The following RHOB variants were observed in gnomAD, a reference collection of about 807,000 sequenced individuals.
RHOB encodes rho-related GTP-binding protein RhoB.
Under a neutral mutation model 12.9 loss-of-function variants are expected in RHOB, and 6 were observed. That is an observed-to-expected ratio of 0.47 (90% CI 0.25 to 0.92). RHOB has a LOEUF of 0.92. Among genes scored for constraint, RHOB ranks in the 40% least tolerant of loss-of-function variants. The pLI is 0.16. For synonymous variants in RHOB, 168 were observed against 122.1 expected, an observed-to-expected ratio of 1.38 and a Z score of -2.48; for missense variants, 142 against 277.9, an observed-to-expected ratio of 0.51 and a Z score of 3.48.
rs557972851 is a variant in RHOB at position 20,447,372 on chromosome 2, A to C, written c.-94A>C. The C allele has an allele frequency of 2.8e-5, 28 of 985,832 alleles. No individual in the cohort carries two copies. The South Asian group carries it at 5.2e-4, about 18-fold the overall frequency. 61.1% of individuals were successfully genotyped at this position (985,832 alleles called of 1,614,324 possible). A position where few individuals can be genotyped will look rare whatever the true frequency, so the allele number is the denominator to read the frequency against. ...GGGTGCAGCTAGCGACCCTCTCGCC[A>C]CCTGCGCGCAGCCCGAGGTGAGCAG... On this transcript the variant is annotated 5_prime_UTR_variant, in exon 1 of 1. Transcript: ENST00000272233.
rs1691015992 is a variant in RHOB at position 20,447,294 on chromosome 2, G to GC, written c.-167dup. ...CGCCCTATGCCCCCGCGCCCCCACC[G>GC]CCCCCGCCGCGGCAGCCGAAGCGCA... On this transcript the variant is annotated 5_prime_UTR_variant, in exon 1 of 1. An upstream open reading frame in the 5' UTR loses its in-frame stop. Transcript: ENST00000272233. 2 of 462,666 alleles carry GC rather than the reference G, an allele frequency of 4.3e-6. No homozygotes were observed. Among genetic ancestry groups the GC allele is most frequent in the South Asian group, 5.1e-5 (1 of 19,504 alleles). The allele number at this position is 462,666 out of a possible 1,614,324, so 28.7% of individuals were successfully genotyped here.
chr2:20,448,158 CA>C lies in RHOB; in HGVS notation c.*103del. 1 of 1,049,204 alleles carries C rather than the reference CA, an allele frequency of 9.5e-7. No individual in the cohort carries two copies. The highest frequency in any genetic ancestry group is 1.4e-6 in the Non-Finnish European group (1 of 730,148). 65.0% of individuals were successfully genotyped at this position (1,049,204 alleles called of 1,614,324 possible). ...GGAGACCCGTGTCCCACAAGGACCC[CA>C]CCGGCCTGCCTGGCATCTGTCTGCT... On this transcript the variant is annotated 3_prime_UTR_variant, in exon 1 of 1. Coordinates refer to ENST00000272233, the MANE Select transcript of RHOB (RefSeq NM_004040.4).
In RHOB at chr2:20,448,131, G is replaced by C. The variant is rs987899252; in HGVS notation, c.*75G>C. 3.8e-6 allele frequency: 5 copies of C among 1,300,374 alleles called. No homozygotes were observed. The highest frequency in any genetic ancestry group is 3.2e-6 in the Non-Finnish European group (3 of 942,068). The allele number at this position is 1,300,374 out of a possible 1,614,324, so 80.6% of individuals were successfully genotyped here. On this transcript the variant is annotated 3_prime_UTR_variant, in exon 1 of 1. Transcript: ENST00000272233. ...ACCAGTCCCCCGCGAGCCCGGAGAAGGGGAGACCCGTGTCCCACAAGGACC... is the reference window on the plus strand; with the variant it reads ...ACCAGTCCCCCGCGAGCCCGGAGAACGGGAGACCCGTGTCCCACAAGGACC...
chr2:20,449,424 T>G lies in RHOB; in HGVS notation c.*1368T>G. ...TTTTTTATGTAAAATATTAAAAGAC[T>G]ATGATGATGACATTTATAAAATGGC... On this transcript the variant is annotated 3_prime_UTR_variant, in exon 1 of 1. Coordinates refer to ENST00000272233, the MANE Select transcript of RHOB (RefSeq NM_004040.4). 1.8e-5 allele frequency: 3 copies of G among 167,186 alleles called. No homozygotes were observed. The allele number at this position is 167,186 out of a possible 1,614,324, so 10.4% of individuals were successfully genotyped here. A position where few individuals can be genotyped will look rare whatever the true frequency, so the allele number is the denominator to read the frequency against.
Position 20,447,522 on chromosome 2 carries a change from G to A in RHOB, c.57G>A (p.Thr19=). 1.2e-6 allele frequency: 2 copies of A among 1,614,062 alleles called. No homozygotes were observed. Among genetic ancestry groups the A allele is most frequent in the South Asian group, 1.1e-5 (1 of 91,082 alleles). The change falls in exon 1 of 1, where the codon ACG becomes ACA. Residue 19 remains threonine, a synonymous_variant. Transcript: ENST00000272233. ...VVVGDGACGK[T]CLLIVFSKDE... The stretch of plus-strand genomic sequence containing the variant: ...TGGGCGACGGCGCGTGTGGCAAGAC[G>A]TGCCTGCTGATCGTGTTCAGTAAGG...
In RHOB at chr2:20,447,411, G is replaced by C; in HGVS notation, c.-55G>C. The C allele has an allele frequency of 7.1e-7, 1 of 1,417,568 alleles. No individual in the cohort carries two copies. Among genetic ancestry groups the C allele is most frequent in the Non-Finnish European group, 9.6e-7 (1 of 1,041,874 alleles). 87.8% of individuals were successfully genotyped at this position (1,417,568 alleles called of 1,614,324 possible). On this transcript the variant is annotated 5_prime_UTR_variant, in exon 1 of 1. Coordinates refer to ENST00000272233, the MANE Select transcript of RHOB (RefSeq NM_004040.4). The stretch of plus-strand genomic sequence containing the variant: ...CGAGGTGAGCAGTGAGCGGCGAGCG[G>C]GAGGGCAGCGAGGCGTTCGCGGGCC...
In RHOB at chr2:20,447,413, A is replaced by C; in HGVS notation, c.-53A>C. 1 of 1,418,262 alleles carries C rather than the reference A, an allele frequency of 7.1e-7. No individual in the cohort carries two copies. The allele number at this position is 1,418,262 out of a possible 1,614,324, so 87.9% of individuals were successfully genotyped here. A position where few individuals can be genotyped will look rare whatever the true frequency, so the allele number is the denominator to read the frequency against. On this transcript the variant is annotated 5_prime_UTR_variant, in exon 1 of 1. Coordinates refer to ENST00000272233, the MANE Select transcript of RHOB (RefSeq NM_004040.4). The stretch of plus-strand genomic sequence containing the variant: ...AGGTGAGCAGTGAGCGGCGAGCGGG[A>C]GGGCAGCGAGGCGTTCGCGGGCCCC...
In RHOB at chr2:20,448,141, G is replaced by T. The variant is rs964798914; in HGVS notation, c.*85G>T. The stretch of plus-strand genomic sequence containing the variant: ...CGCGAGCCCGGAGAAGGGGAGACCC[G>T]TGTCCCACAAGGACCCCACCGGCCT... On this transcript the variant is annotated 3_prime_UTR_variant, in exon 1 of 1. Transcript: ENST00000272233. 1 of 1,224,784 alleles carries T rather than the reference G, an allele frequency of 8.2e-7. No individual in the cohort carries two copies. Among genetic ancestry groups the T allele is most frequent in the Admixed American group, 2.4e-5 (1 of 40,852 alleles). 75.9% of individuals were successfully genotyped at this position (1,224,784 alleles called of 1,614,324 possible).
At position 20,449,198 on chromosome 2, in the gene RHOB, TCTAAAG is replaced by T; in HGVS notation, c.*1146_*1151del. On this transcript the variant is annotated 3_prime_UTR_variant, in exon 1 of 1. Transcript: ENST00000272233. Reference sequence around the variant, plus strand: ...TTTTTTTTTTTTCCACAAGGCATTCTCTAAAGCTATGTGAAATTTTCTCTGCACCTC... The same window carrying T: ...TTTTTTTTTTTTCCACAAGGCATTCTCTATGTGAAATTTTCTCTGCACCTC... 1 of 166,872 alleles carries T rather than the reference TCTAAAG, an allele frequency of 6.0e-6. No homozygotes were observed. Among genetic ancestry groups the T allele is most frequent in the East Asian group, 1.9e-4 (1 of 5,174 alleles). 10.3% of individuals were successfully genotyped at this position (166,872 alleles called of 1,614,324 possible). A position where few individuals can be genotyped will look rare whatever the true frequency, so the allele number is the denominator to read the frequency against.
chr2:20,447,419 G>C lies in RHOB; in HGVS notation c.-47G>C. On this transcript the variant is annotated 5_prime_UTR_variant, in exon 1 of 1. Transcript: ENST00000272233. ...GCAGTGAGCGGCGAGCGGGAGGGCA[G>C]CGAGGCGTTCGCGGGCCCCCTCCTG... 1 of 1,476,834 alleles carries C rather than the reference G, an allele frequency of 6.8e-7. No individual in the cohort carries two copies. The highest frequency in any genetic ancestry group is 9.2e-7 in the Non-Finnish European group (1 of 1,086,824). 91.5% of individuals were successfully genotyped at this position (1,476,834 alleles called of 1,614,324 possible).
Position 20,448,311 on chromosome 2 carries a change from C to G in RHOB, c.*255C>G. ...GAGTGCCAAGGGTCCCCTGAGCATG[C>G]TTTTCTGAAGAGCCGGGCCTCAGAG... On this transcript the variant is annotated 3_prime_UTR_variant, in exon 1 of 1. Coordinates refer to ENST00000272233, the MANE Select transcript of RHOB (RefSeq NM_004040.4). The G allele has an allele frequency of 1.9e-6, 1 of 537,718 alleles. No individual in the cohort carries two copies. Among genetic ancestry groups the G allele is most frequent in the Non-Finnish European group, 3.4e-6 (1 of 294,756 alleles). 33.3% of individuals were successfully genotyped at this position (537,718 alleles called of 1,614,324 possible).
chr2:20,447,969 C>A lies in RHOB; in HGVS notation c.504C>A (p.Arg168=). ...CTGCCAAGACCAAGGAAGGCGTGCG[C>A]GAGGTCTTCGAGACGGCCACGCGCG... ...ECSAKTKEGV[R]EVFETATRAA... The change falls in exon 1 of 1, where the codon CGC becomes CGA. Residue 168 remains arginine (R), a synonymous_variant. Coordinates refer to ENST00000272233, the MANE Select transcript of RHOB (RefSeq NM_004040.4). 2 of 1,612,998 alleles carry A rather than the reference C, an allele frequency of 1.2e-6. No homozygotes were observed. Among genetic ancestry groups the A allele is most frequent in the Non-Finnish European group, 1.7e-6 (2 of 1,179,974 alleles).
Position 20,448,064 on chromosome 2 carries a change from G to C in RHOB, c.*8G>C. On this transcript the variant is annotated 3_prime_UTR_variant, in exon 1 of 1. Coordinates refer to ENST00000272233, the MANE Select transcript of RHOB (RefSeq NM_004040.4). The stretch of plus-strand genomic sequence containing the variant: ...TGCTGCAAGGTGCTATGAGGGCCGC[G>C]CCCGTCGCGCCTGCCCCTGCCGGCA... The C allele has an allele frequency of 1.9e-5, 30 of 1,595,496 alleles. No homozygotes were observed. The highest frequency in any genetic ancestry group is 2.6e-5 in the Non-Finnish European group (30 of 1,169,078).
chr2:20,449,080 C>T lies in RHOB; in HGVS notation c.*1024C>T, dbSNP rs1040817653. ...AAACCCACTAAATTTTGCTTTGTTT[C>T]CTTGAAGAATGTGGCAACACTGTTT... On this transcript the variant is annotated 3_prime_UTR_variant, in exon 1 of 1. Transcript: ENST00000272233. 6 of 166,958 alleles carry T rather than the reference C, an allele frequency of 3.6e-5. No homozygotes were observed. The highest frequency in any genetic ancestry group is 5.9e-5 in the Non-Finnish European group (4 of 68,100). 10.3% of individuals were successfully genotyped at this position (166,958 alleles called of 1,614,324 possible).
At position 20,449,222 on chromosome 2, in the gene RHOB, T is replaced by A. The variant is rs1691063653; in HGVS notation, c.*1166T>A. 6.0e-6 allele frequency: 1 copy of A among 166,970 alleles called. No individual in the cohort carries two copies. Among genetic ancestry groups the A allele is most frequent in the South Asian group, 2.1e-4 (1 of 4,826 alleles). 10.3% of individuals were successfully genotyped at this position (166,970 alleles called of 1,614,324 possible). ...CTCTAAAGCTATGTGAAATTTTCTCTGCACCTCTGTACAGAGAATACACCT... is the reference window on the plus strand; with the variant it reads ...CTCTAAAGCTATGTGAAATTTTCTCAGCACCTCTGTACAGAGAATACACCT... On this transcript the variant is annotated 3_prime_UTR_variant, in exon 1 of 1. Coordinates refer to ENST00000272233, the MANE Select transcript of RHOB (RefSeq NM_004040.4).
Position 20,447,171 on chromosome 2 carries a change from T to G in RHOB, c.-295T>G, listed in dbSNP as rs1691012421. On this transcript the variant is annotated 5_prime_UTR_variant, in exon 1 of 1. Transcript: ENST00000272233. ...CTAGGCCGAGTCCACCGCCCGAGTC[T>G]GCTGCCCGAGCCCGCGTTACGCACA... 3.3e-6 allele frequency: 1 copy of G among 307,558 alleles called. No individual in the cohort carries two copies. The highest frequency in any genetic ancestry group is 9.0e-4 in the Middle Eastern group (1 of 1,116). 19.1% of individuals were successfully genotyped at this position (307,558 alleles called of 1,614,324 possible). A position where few individuals can be genotyped will look rare whatever the true frequency, so the allele number is the denominator to read the frequency against.
chr2:20,448,281 C>G lies in RHOB; in HGVS notation c.*225C>G, dbSNP rs1691041172. ...GCTGTGTTGCACAGGCCTGGGCTCC[C>G]CACTGAGTGCCAAGGGTCCCCTGAG... On this transcript the variant is annotated 3_prime_UTR_variant, in exon 1 of 1. Coordinates refer to ENST00000272233, the MANE Select transcript of RHOB (RefSeq NM_004040.4). 2 of 581,606 alleles carry G rather than the reference C, an allele frequency of 3.4e-6. No homozygotes were observed. The highest frequency in any genetic ancestry group is 3.1e-6 in the Non-Finnish European group (1 of 319,766). The allele number at this position is 581,606 out of a possible 1,614,324, so 36.0% of individuals were successfully genotyped here.
chr2:20,449,310 CTTG>C lies in RHOB; in HGVS notation c.*1257_*1259del, dbSNP rs1483193246. ...AGTGGTACTTCTACTAAATTGTTGTCTTGTTTTTTATTTTTTAAATAAACTGAC... is the reference window on the plus strand; with the variant it reads ...AGTGGTACTTCTACTAAATTGTTGTCTTTTTTATTTTTTAAATAAACTGAC... On this transcript the variant is annotated 3_prime_UTR_variant, in exon 1 of 1. Transcript: ENST00000272233. The C allele has an allele frequency of 1.2e-5, 2 of 163,478 alleles. No homozygotes were observed. The highest frequency in any genetic ancestry group is 6.7e-5 in the Admixed American group (1 of 14,948). 10.1% of individuals were successfully genotyped at this position (163,478 alleles called of 1,614,324 possible). A position where few individuals can be genotyped will look rare whatever the true frequency, so the allele number is the denominator to read the frequency against.
chr2:20,449,016 T>A lies in RHOB; in HGVS notation c.*960T>A, dbSNP rs1186995468. The A allele has an allele frequency of 6.0e-6, 1 of 167,152 alleles. No individual in the cohort carries two copies. The highest frequency in any genetic ancestry group is 1.5e-5 in the Non-Finnish European group (1 of 68,128). The allele number at this position is 167,152 out of a possible 1,614,324, so 10.4% of individuals were successfully genotyped here. Reference sequence around the variant, plus strand: ...ACGCTGTAACCTCATCTACTTCTGATGTTTTTAAAAAATGACTTTTAACAA... The same window carrying A: ...ACGCTGTAACCTCATCTACTTCTGAAGTTTTTAAAAAATGACTTTTAACAA... On this transcript the variant is annotated 3_prime_UTR_variant, in exon 1 of 1. Coordinates refer to ENST00000272233, the MANE Select transcript of RHOB (RefSeq NM_004040.4).
Sources: allele counts gnomAD v4.1 joint callset, GRCh38; gene constraint gnomAD v4.1.1; transcripts MANE v1.5; gene names NCBI Gene and HGNC (gene_info 2026-07-23, HGNC 2026-07-21).